TICAM2: variants seen among roughly 807,000 people sequenced by gnomAD.
TICAM2 encodes the protein TIR domain containing adaptor molecule 2, also known as TIR domain-containing adapter molecule 2.
A neutral mutation model predicts 7.3 loss-of-function variants in TICAM2; 8 were observed. That is an observed-to-expected ratio of 1.10 (90% CI 0.65 to 1.99). The LOEUF (loss-of-function observed/expected upper bound fraction) is 1.99. Ranked by LOEUF, TICAM2 falls within the 30% of genes most tolerant of loss-of-function variation. TICAM2 has a pLI of 0.00. For synonymous variants in TICAM2, 113 were observed against 99.6 expected, an observed-to-expected ratio of 1.13 and a Z score of -0.80; for missense variants, 304 against 278.8, an observed-to-expected ratio of 1.09 and a Z score of -0.65.
intron 1 of TICAM2, among the ~76,000 whole-genome samples, chr5:115,595,351 A>T (rs1292393968): frequency 6.6e-6 from 1 of 152,116 alleles, no homozygotes; most frequent in Non-Finnish European, 1.5e-5. Flanking sequence ...AACCCTCCCC[A>T]CAACTCCACC....
At chr5:115,600,100 C>T (rs1307216489) in intron 1 of TICAM2, among the ~76,000 whole-genome samples, 5 of 152,020 alleles carry the variant, frequency 3.3e-5, no homozygotes, top group Non-Finnish European at 7.4e-5. Flanking sequence ...TGCTTGGATG[C>T]GGAGTCTGAC....
In TICAM2 at chr5:115,602,265, A is replaced by G. The variant is rs1554093809; in HGVS notation, c.-228T>C. 1 of 152,396 alleles carries G rather than the reference A, an allele frequency of 6.6e-6. No homozygotes were observed. Among genetic ancestry groups the G allele is most frequent in the Non-Finnish European group, 1.5e-5 (1 of 68,428 alleles). The allele number at this position is 152,396 out of a possible 1,614,324, so 9.4% of individuals were successfully genotyped here. A position where few individuals can be genotyped will look rare whatever the true frequency, so the allele number is the denominator to read the frequency against. On this transcript the variant is annotated 5_prime_UTR_variant, in exon 1 of 2. Coordinates refer to ENST00000427199, the MANE Select transcript of TICAM2 (RefSeq NM_021649.7). ...CCGCGACCACAGCAGCCTGCTCCCC[A>G]CCGCGCTTGCAGAGCCCGGACGCGC...
At chr5:115,592,710 G>C (rs1288275891) in intron 1 of TICAM2, among the ~76,000 whole-genome samples, 1 of 152,038 alleles carries the variant, frequency 6.6e-6, no homozygotes, top group East Asian at 1.9e-4. Context: ...GAAAATTATA[G>C]ATCAGTCTAA....
intron 1 of TICAM2, among the ~76,000 whole-genome samples, chr5:115,586,976 G>C (rs909856006): frequency 6.6e-6 from 1 of 152,156 alleles, no homozygotes; most frequent in Non-Finnish European, 1.5e-5. Context: ...GCAAGACAAA[G>C]ACAGGTGGAC....
chr5:115,584,620 T>A (rs1013398027), intron 1 of TICAM2, among the ~76,000 whole-genome samples: 1 of 152,230 alleles, frequency 6.6e-6, no homozygotes, highest in Admixed American at 6.5e-5. Context: ...AAAAAACTTA[T>A]AACTTGATAG....
intron 1 of TICAM2, among the ~76,000 whole-genome samples, chr5:115,584,134 T>C (rs1442292021): frequency 6.6e-6 from 1 of 152,204 alleles, no homozygotes; most frequent in African/African-American, 2.4e-5. Flanking sequence ...TTCCACTGTT[T>C]CTCTATGAAT....
Position 115,580,341 on chromosome 5 carries a change from C to A in TICAM2, c.*208G>T. Reference sequence around the variant, plus strand: ...AATTGTGAAAGAAAAGTCCTTGAAACTCTGACAATGTCAAGTTTACTGAAA... The same window carrying A: ...AATTGTGAAAGAAAAGTCCTTGAAAATCTGACAATGTCAAGTTTACTGAAA... On this transcript the variant is annotated 3_prime_UTR_variant, in exon 2 of 2. Transcript: ENST00000427199. The A allele has an allele frequency of 1.6e-6, 1 of 608,508 alleles. No individual in the cohort carries two copies. Among genetic ancestry groups the A allele is most frequent in the South Asian group, 5.4e-5 (1 of 18,438 alleles). 37.7% of individuals were successfully genotyped at this position (608,508 alleles called of 1,614,324 possible). A position where few individuals can be genotyped will look rare whatever the true frequency, so the allele number is the denominator to read the frequency against.
chr5:115,599,572 G>C (rs1374427120), intron 1 of TICAM2, among the ~76,000 whole-genome samples: 1 of 152,200 alleles, frequency 6.6e-6, no homozygotes, highest in Non-Finnish European at 1.5e-5. Context: ...CTAGAGAGTA[G>C]CATTCAGTAT....
chr5:115,598,763 A>T (rs1256678093), intron 1 of TICAM2, among the ~76,000 whole-genome samples: 1 of 152,192 alleles, frequency 6.6e-6, no homozygotes, highest in Non-Finnish European at 1.5e-5. Context: ...AATAAGAAGG[A>T]ATTTTCTTCT....
rs1476665076 is a variant in TICAM2, at chr5:115,599,805, CTA to C, written c.-60+2290_-60+2291del. 2.6e-5 allele frequency among the ~76,000 whole-genome samples: 4 copies of C among 151,864 alleles called. No homozygotes were observed. In the South Asian group the frequency reaches 8.3e-4, roughly 32 times the overall value. ...ATGAGTTCAGAGAACTAGTCAGGGA[CTA>C]GATCACACAGGGCTTTAAAGCCATT... On this transcript the variant is annotated intron_variant, in intron 1 of 1. Coordinates refer to ENST00000427199, the MANE Select transcript of TICAM2 (RefSeq NM_021649.7).
In TICAM2 at chr5:115,582,151, C is replaced by T. The variant is rs148537213; in HGVS notation, c.-59-836G>A. ...TTGTTTTTGTTGTTATTTATTTATT[C>T]ATTTATTTATTTATTTATTTTTTGA... On this transcript the variant is annotated intron_variant, in intron 1 of 1. Transcript: ENST00000427199. Among the ~76,000 whole-genome samples, 894 of 151,640 alleles carry T rather than the reference C, an allele frequency of 5.9e-3. 11 individuals carry two copies. The highest frequency in any genetic ancestry group is 0.019 in the African/African-American group (769 of 41,356).
In TICAM2 at chr5:115,581,170, A is replaced by AT; in HGVS notation, c.86dup (p.Tyr29Ter). Residue 29 changes from tyrosine (Y) to a stop codon, truncating the protein, a stop_gained and frameshift_variant, in exon 2 of 2, where the codon TAT becomes TAAT. Transcript: ENST00000427199. LOFTEE classifies it low-confidence loss of function (END_TRUNC). Reference protein sequence around the residue: ...KRHSVDTSPGYHESDSKKSED... With the variant: ...KRHSVDTSPG ...CAGACTTCTTGGAATCTGACTCATG[A>AT]TATCCTGGACTTGTATCCACACTGT... 1 of 1,613,868 alleles carries AT rather than the reference A, an allele frequency of 6.2e-7. No individual in the cohort carries two copies. Among genetic ancestry groups the AT allele is most frequent in the South Asian group, 1.1e-5 (1 of 91,014 alleles).
At chr5:115,589,422 G>C (rs1047542361) in intron 1 of TICAM2, among the ~76,000 whole-genome samples, 1 of 152,224 alleles carries the variant, frequency 6.6e-6, no homozygotes, top group Non-Finnish European at 1.5e-5. Context: ...GGAACAGAAT[G>C]AGTTGAATTT....
In TICAM2 at chr5:115,580,698, A is replaced by G. The variant is rs762811461; in HGVS notation, c.559T>C (p.Phe187Leu). ...AAGGCATTGATGGTTTGGAGGGCAA[A>G]GGGAGTCCTTTCTCGGGGAAGGGGA... The part of the protein sequence containing the change: ...NNPLPRERTP[F>L]ALQTINALEE... The change falls in exon 2 of 2, where the codon TTT (phenylalanine) becomes CTT (leucine). Residue 187 changes from phenylalanine (F) to leucine (L), a missense_variant. Phe to Leu is a conservative substitution (Grantham distance 22). Coordinates refer to ENST00000427199, the MANE Select transcript of TICAM2 (RefSeq NM_021649.7). The G allele has an allele frequency of 1.8e-5, 29 of 1,596,742 alleles. No homozygotes were observed. The South Asian group carries it at 3.3e-4, about 18-fold the overall frequency.
At chr5:115,600,613 TGAG>T (rs1755689311) in intron 1 of TICAM2, among the ~76,000 whole-genome samples, 1 of 151,954 alleles carries the variant, frequency 6.6e-6, no homozygotes, top group Admixed American at 6.6e-5. Context: ...AAAAGAATAT[TGAG>T]GAGGGAGTGA....
intron 1 of TICAM2, 65 bp from the exon 2 acceptor site, chr5:115,581,380 T>G: frequency 6.8e-7 from 1 of 1,480,662 alleles, no homozygotes; most frequent in Non-Finnish European, 9.0e-7. Context: ...ATGGAAACTT[T>G]CATTCAAACT....
Position 115,578,717 on chromosome 5 carries a change from A to C in TICAM2, c.*1832T>G, listed in dbSNP as rs1274485719. ...ATTGCCCCAAGTTTGGCAGGCATGA[A>C]GAGTGGGCAGTTCATGTTTTATTAG... On this transcript the variant is annotated 3_prime_UTR_variant, in exon 2 of 2. Transcript: ENST00000427199. 6.6e-6 allele frequency: 1 copy of C among 152,214 alleles called. No homozygotes were observed. The highest frequency in any genetic ancestry group is 1.9e-4 in the East Asian group (1 of 5,202). 9.4% of individuals were successfully genotyped at this position (152,214 alleles called of 1,614,324 possible).
intron 1 of TICAM2, among the ~76,000 whole-genome samples, chr5:115,585,092 A>G (rs1755056075): frequency 6.6e-6 from 1 of 152,216 alleles, no homozygotes; most frequent in Admixed American, 6.5e-5. Flanking sequence ...AATAACTGTG[A>G]TTTTGTACAA....
intron 1 of TICAM2, among the ~76,000 whole-genome samples, chr5:115,589,664 T>A (rs1755233262): frequency 6.6e-6 from 1 of 152,248 alleles, no homozygotes; most frequent in South Asian, 2.1e-4. Context: ...GTTAGAGTTA[T>A]GGGATCTATC....
Sources: gnomAD v4.1 joint callset for allele counts (sites outside exome capture counted in the v4.1 genomes callset) on GRCh38, gnomAD v4.1.1 for gene constraint, MANE v1.5 for transcripts, NCBI Gene and HGNC (gene_info 2026-07-23, HGNC 2026-07-21) for gene names.